The following FAM13A variants were observed in gnomAD, a reference collection of about 807,000 sequenced individuals.
FAM13A encodes the protein family with sequence similarity 13 member A, also known as protein FAM13A.
In FAM13A, 76 loss-of-function variants were observed where a neutral mutation model predicts 129.6. The observed-to-expected ratio is 0.59, with a 90% CI of 0.49 to 0.71. FAM13A has a LOEUF of 0.71. Among genes scored for constraint, FAM13A ranks in the 30% least tolerant of loss-of-function variants. FAM13A has a pLI of 0.00. For missense variants in FAM13A, 1,108 were observed against 1,249.3 expected (o/e 0.89, Z 1.70); for synonymous variants, 443 against 449.9 (o/e 0.98, Z 0.20).
chr4:88,823,161 A>G, intron 7 of FAM13A: 1 of 1,489,884 alleles, frequency 6.7e-7, no homozygotes, highest in Non-Finnish European at 8.9e-7. Flanking sequence ...GCAGTTGGCC[A>G]GTCTACTGCT....
At chr4:88,910,937 C>T (rs1749006219) in intron 5 of FAM13A, among the ~76,000 whole-genome samples, 1 of 152,182 alleles carries the variant, frequency 6.6e-6, no homozygotes, top group South Asian at 2.1e-4. Context: ...CGTGAGCCAC[C>T]ACGCCCAGCT....
At chr4:88,980,106 C>T (rs1447719802) in intron 4 of FAM13A, among the ~76,000 whole-genome samples, 1 of 152,180 alleles carries the variant, frequency 6.6e-6, no homozygotes, top group Non-Finnish European at 1.5e-5. Flanking sequence ...AAGCATGAGA[C>T]ATGCCATGAT....
chr4:88,922,294 A>G (rs1268481), intron 5 of FAM13A, among the ~76,000 whole-genome samples: 114,059 of 150,772 alleles, frequency 0.76, 43,472 homozygotes, highest in Non-Finnish European at 0.79. Flanking sequence ...TGACCACATA[A>G]TTGGAAGTAA....
intron 6 of FAM13A, among the ~76,000 whole-genome samples, chr4:88,873,807 T>C (rs1216611122): frequency 6.6e-6 from 1 of 152,186 alleles, no homozygotes; most frequent in Non-Finnish European, 1.5e-5. Flanking sequence ...ATCATCCTGA[T>C]ACCAAAGCCT....
chr4:89,044,262 A>G, intron 1 of FAM13A, among the ~76,000 whole-genome samples: 1 of 152,204 alleles, frequency 6.6e-6, no homozygotes, highest in East Asian at 1.9e-4. Flanking sequence ...AAATGAACAA[A>G]GGACGTGTAT....
intron 6 of FAM13A, among the ~76,000 whole-genome samples, chr4:88,875,509 A>C (rs1483312014): frequency 6.6e-6 from 1 of 152,258 alleles, no homozygotes; most frequent in Non-Finnish European, 1.5e-5. Flanking sequence ...TCAAAAGAAG[A>C]GATTTATGCA....
At chr4:88,787,695 G>A in intron 10 of FAM13A, 58 bp downstream of exon 10, 7 of 1,528,670 alleles carry the variant, frequency 4.6e-6, no homozygotes, top group Non-Finnish European at 6.3e-6. Flanking sequence ...TAATTTGGGT[G>A]TATATTTCTT....
At chr4:88,936,122 C>A (rs1326209644) in intron 5 of FAM13A, among the ~76,000 whole-genome samples, 1 of 152,144 alleles carries the variant, frequency 6.6e-6, no homozygotes, top group East Asian at 1.9e-4. Flanking sequence ...ATATTATATT[C>A]TCATACGATG....
Position 88,742,787 on chromosome 4 carries a change from G to A in FAM13A, c.2467-3662C>T, listed in dbSNP as rs183202628. On this transcript the variant is annotated intron_variant, in intron 19 of 23. Coordinates refer to ENST00000264344, the MANE Select transcript of FAM13A (RefSeq NM_014883.4). ...ATTCTTGACTCATCAGCTGCTCAGG[G>A]ATTCTGCTGCCCACTAAGAATAGGG... is the stretch of plus-strand genomic sequence containing the variant. Among the ~76,000 whole-genome samples, 5 of 152,254 alleles carry A rather than the reference G, an allele frequency of 3.3e-5. No homozygotes were observed. In the East Asian group the frequency reaches 9.7e-4, roughly 29 times the overall value.
intron 6 of FAM13A, among the ~76,000 whole-genome samples, chr4:88,891,106 T>C (rs1472319261): frequency 6.6e-6 from 1 of 152,184 alleles, no homozygotes; most frequent in African/African-American, 2.4e-5. Context: ...AGTCCCAATC[T>C]TAAATTGTTT....
intron 7 of FAM13A, among the ~76,000 whole-genome samples, chr4:88,844,883 A>G (rs1187104068): frequency 1.3e-5 from 2 of 152,152 alleles, no homozygotes; most frequent in African/African-American, 4.8e-5. Flanking sequence ...TGACAGGGGT[A>G]AGGAGTAGGG....
At chr4:88,757,839 G>A (rs2149502003) in intron 14 of FAM13A, among the ~76,000 whole-genome samples, 1 of 152,282 alleles carries the variant, frequency 6.6e-6, no homozygotes, top group Non-Finnish European at 1.5e-5. Flanking sequence ...AGGAAAGCGG[G>A]TAGGGAGAGA....
chr4:88,822,515 T>C (rs1452996366), intron 7 of FAM13A, among the ~76,000 whole-genome samples: 1 of 152,244 alleles, frequency 6.6e-6, no homozygotes, highest in Non-Finnish European at 1.5e-5. Flanking sequence ...CATATTATGA[T>C]GTACTTATTC....
At chr4:88,932,946 G>A (rs779286968) in intron 5 of FAM13A, among the ~76,000 whole-genome samples, 28 of 152,046 alleles carry the variant, frequency 1.8e-4, no homozygotes, top group Non-Finnish European at 3.5e-4. Flanking sequence ...AAACCCAAAA[G>A]TTAACATATA....
intron 11 of FAM13A, among the ~76,000 whole-genome samples, chr4:88,771,373 AT>A (rs946028471): frequency 6.6e-5 from 10 of 152,154 alleles, no homozygotes; most frequent in African/African-American, 2.4e-4. Context: ...GGTCAAAATA[AT>A]GCTGAAATGC....
chr4:88,807,678 A>T (rs1032423117), intron 7 of FAM13A, among the ~76,000 whole-genome samples: 1 of 152,192 alleles, frequency 6.6e-6, no homozygotes, highest in Admixed American at 6.5e-5. Flanking sequence ...GCTCCTTGTC[A>T]TGCTTCTGAT....
chr4:88,800,622 T>C (rs1166290800), intron 8 of FAM13A, among the ~76,000 whole-genome samples: 5 of 142,236 alleles, frequency 3.5e-5, no homozygotes, highest in African/African-American at 7.9e-5. Context: ...GAGGTGGAGG[T>C]TGCAGTGAGC....
intron 4 of FAM13A, among the ~76,000 whole-genome samples, chr4:88,946,748 TAAGG>T: frequency 6.6e-6 from 1 of 152,104 alleles, no homozygotes; most frequent in Non-Finnish European, 1.5e-5. Context: ...GGACTCTGGC[TAAGG>T]AGCCAGAGTT....
At chr4:88,786,857 G>A (rs1318666075) in intron 10 of FAM13A, among the ~76,000 whole-genome samples, 1 of 151,760 alleles carries the variant, frequency 6.6e-6, no homozygotes, top group Non-Finnish European at 1.5e-5. Context: ...AATGAGGGGT[G>A]TGGGACTATT....
Sources: allele counts gnomAD v4.1 joint callset (sites outside exome capture counted in the v4.1 genomes callset), GRCh38; gene constraint gnomAD v4.1.1; transcripts MANE v1.5; gene names NCBI Gene and HGNC (gene_info 2026-07-23, HGNC 2026-07-21).